The following PIP4K2A variants were observed in gnomAD, a reference collection of about 807,000 sequenced individuals.
The protein encoded by PIP4K2A is phosphatidylinositol 5-phosphate 4-kinase type-2 alpha.
PIP4K2A carries 14 observed loss-of-function variants against 42.9 expected under a neutral mutation model. The observed-to-expected ratio is 0.33, with a 90% CI of 0.22 to 0.51. PIP4K2A has a LOEUF of 0.51. Ranked by LOEUF, PIP4K2A falls within the 20% of genes least tolerant of loss-of-function variation. PIP4K2A has a pLI of 0.97. For missense variants in PIP4K2A, 434 were observed against 519.8 expected, an observed-to-expected ratio of 0.83 and a Z score of 1.61; for synonymous variants, 192 against 192.2, an observed-to-expected ratio of 1.00 and a Z score of 0.01.
chr10:22,704,294 C>CAA (rs1035498846), intron 1 of PIP4K2A, among the ~76,000 whole-genome samples: 28 of 149,760 alleles, frequency 1.9e-4, no homozygotes, highest in African/African-American at 6.4e-4. Flanking sequence ...AAACAAGAGA[C>CAA]AAAAAAAAAG....
At chr10:22,679,573 A>G (rs776940002) in intron 1 of PIP4K2A, among the ~76,000 whole-genome samples, 8 of 152,360 alleles carry the variant, frequency 5.3e-5, no homozygotes, top group Non-Finnish European at 7.3e-5. Context: ...CAGGAAAAAT[A>G]AAAACATGGG....
chr10:22,557,084 C>T (rs148168125), intron 6 of PIP4K2A, among the ~76,000 whole-genome samples: 1 of 152,272 alleles, frequency 6.6e-6, no homozygotes, highest in East Asian at 1.9e-4. Flanking sequence ...ATTACTTACG[C>T]CCTAGGGTTC....
intron 1 of PIP4K2A, among the ~76,000 whole-genome samples, chr10:22,684,219 G>A (rs960640707): frequency 6.6e-6 from 1 of 152,086 alleles, no homozygotes; most frequent in Admixed American, 6.5e-5. Flanking sequence ...AAATACTTGA[G>A]AGCAAAATGT....
chr10:22,615,696 A>C (rs1407512633), intron 1 of PIP4K2A, among the ~76,000 whole-genome samples: 2 of 152,150 alleles, frequency 1.3e-5, no homozygotes, highest in Non-Finnish European at 1.5e-5. Flanking sequence ...GCCACCTTTA[A>C]GGTTCCTTCA....
chr10:22,643,356 G>A (rs1474932453), intron 1 of PIP4K2A, among the ~76,000 whole-genome samples: 1 of 152,146 alleles, frequency 6.6e-6, no homozygotes, highest in African/African-American at 2.4e-5. Flanking sequence ...AGAAGTTTGA[G>A]TCACTGACAG....
intron 4 of PIP4K2A, among the ~76,000 whole-genome samples, chr10:22,574,450 T>TTTC (rs1837065555): frequency 1.3e-5 from 2 of 151,262 alleles, no homozygotes; most frequent in South Asian, 2.1e-4. Context: ...TTCTGTTTTT[T>TTTC]TTTTTTTTTA....
At chr10:22,664,060 T>TATACACACACACACACACACAC (rs570101374) in intron 1 of PIP4K2A, among the ~76,000 whole-genome samples, 4 of 83,098 alleles carry the variant, frequency 4.8e-5, no homozygotes, top group African/African-American at 9.7e-5. Flanking sequence ...TATGTATATA[T>TATACACACACACACACACACAC]ACATATATAT....
At chr10:22,547,768 G>A (rs1836293132) in intron 7 of PIP4K2A, among the ~76,000 whole-genome samples, 1 of 152,142 alleles carries the variant, frequency 6.6e-6, no homozygotes, top group African/African-American at 2.4e-5. Flanking sequence ...AGGGCAGAAG[G>A]CAAAAGTGCC....
chr10:22,638,512 A>C (rs1010347564), intron 1 of PIP4K2A, among the ~76,000 whole-genome samples: 1 of 152,226 alleles, frequency 6.6e-6, no homozygotes, highest in Non-Finnish European at 1.5e-5. Context: ...CGTAACCAAA[A>C]GGAAAGAGCA....
At chr10:22,673,979 C>A (rs1270332444) in intron 1 of PIP4K2A, among the ~76,000 whole-genome samples, 2 of 152,192 alleles carry the variant, frequency 1.3e-5, no homozygotes, top group Admixed American at 6.6e-5. Context: ...AATAAAAAGT[C>A]ATTTTGCAAA....
At chr10:22,545,531 C>A (rs1836239908) in intron 7 of PIP4K2A, among the ~76,000 whole-genome samples, 1 of 152,236 alleles carries the variant, frequency 6.6e-6, no homozygotes, top group African/African-American at 2.4e-5. Context: ...GGGCCTCAGG[C>A]CTGTGGTCAG....
chr10:22,538,357 GGA>G (rs1027821394), intron 9 of PIP4K2A, among the ~76,000 whole-genome samples: 2 of 151,670 alleles, frequency 1.3e-5, no homozygotes, highest in African/African-American at 4.8e-5. Context: ...GGCTAGGATA[GGA>G]GAGATGAACA....
At chr10:22,636,744 G>C (rs560037271) in intron 1 of PIP4K2A, among the ~76,000 whole-genome samples, 1 of 152,208 alleles carries the variant, frequency 6.6e-6, no homozygotes, top group Non-Finnish European at 1.5e-5. Context: ...AACGGTCCCC[G>C]ATGAATCACA....
chr10:22,664,645 C>G (rs1278959111), intron 1 of PIP4K2A, among the ~76,000 whole-genome samples: 1 of 151,944 alleles, frequency 6.6e-6, no homozygotes, highest in Non-Finnish European at 1.5e-5. Flanking sequence ...AACAAAAATT[C>G]TACAATCCAA....
At chr10:22,539,434 G>A (rs4748810) in intron 9 of PIP4K2A, 108,100 of 153,256 alleles carry the variant, frequency 0.71, 38,824 homozygotes, top group African/African-American at 0.84. Flanking sequence ...TTGCACTCAA[G>A]AGATTTCTGT....
chr10:22,572,470 T>C (rs964080966), intron 5 of PIP4K2A, among the ~76,000 whole-genome samples: 3 of 152,006 alleles, frequency 2.0e-5, no homozygotes, highest in Non-Finnish European at 4.4e-5. Flanking sequence ...TACAAAAAAT[T>C]AGCTGAGCAT....
intron 7 of PIP4K2A, among the ~76,000 whole-genome samples, chr10:22,549,713 T>C (rs888031876): frequency 2.0e-5 from 3 of 151,032 alleles, no homozygotes; most frequent in African/African-American, 4.8e-5. Flanking sequence ...TGGTGGCGGG[T>C]GCCTGTAGTC....
Position 22,573,362 on chromosome 10 carries a change from T to A in PIP4K2A, c.588A>T (p.Thr196=). ...VDGVEIYVIV[T]RNVFSHRLSV... ...ACAAACGGTGGCTGAATACATTTCT[T>A]GTAACTATCACATATATTTCAACTC... The change falls in exon 5 of 10, where the codon ACA becomes ACT. Residue 196 remains threonine (T), a synonymous_variant. Coordinates refer to ENST00000376573, the MANE Select transcript of PIP4K2A (RefSeq NM_005028.5). 2.5e-6 allele frequency: 4 copies of A among 1,613,738 alleles called. No homozygotes were observed. The highest frequency in any genetic ancestry group is 3.4e-6 in the Non-Finnish European group (4 of 1,179,626).
intron 1 of PIP4K2A, among the ~76,000 whole-genome samples, chr10:22,703,253 A>G (rs1199884091): frequency 1.3e-5 from 2 of 152,004 alleles, no homozygotes; most frequent in Non-Finnish European, 2.9e-5. Flanking sequence ...TACAAAAATT[A>G]TAAAAATTAT....
Sources: allele counts gnomAD v4.1 joint callset (sites outside exome capture counted in the v4.1 genomes callset), GRCh38; gene constraint gnomAD v4.1.1; transcripts MANE v1.5; gene names NCBI Gene and HGNC (gene_info 2026-07-23, HGNC 2026-07-21).